VEZT: variants seen among roughly 807,000 people sequenced by gnomAD.
The protein encoded by VEZT is vezatin, adherens junctions transmembrane protein.
Under a neutral mutation model 79.9 loss-of-function variants are expected in VEZT, and 39 were observed. The ratio of observed to expected loss-of-function variants is 0.49; its 90% CI spans 0.38 to 0.64. The LOEUF is 0.64. VEZT is among the 30% of genes least tolerant of loss of function. The pLI is 0.00. For synonymous variants in VEZT, 325 were observed against 327.6 expected (o/e 0.99, Z 0.09); for missense variants, 837 against 893.1 (o/e 0.94, Z 0.80).
At position 95,262,907 on chromosome 12, in the gene VEZT, A is replaced by G; in HGVS notation, c.260A>G (p.Asp87Gly). 1 of 1,586,568 alleles carries G rather than the reference A, an allele frequency of 6.3e-7. No individual in the cohort carries two copies. Among genetic ancestry groups the G allele is most frequent in the South Asian group, 1.1e-5 (1 of 88,242 alleles). The change falls in exon 4 of 12, where the codon GAT becomes GGT. Residue 87 changes from aspartate to glycine, a missense_variant and splice_region_variant. Physicochemically the swap from Asp to Gly is moderately conservative, Grantham distance 94. Coordinates refer to ENST00000436874, the MANE Select transcript of VEZT (RefSeq NM_017599.4). ...NKKDDLLHKL[D>G]IGFRLDSLHT... ...CTCTTCTGGTATTTTAATGGCAAGGATATTGGATTCCGACTCGACTCATTA... is the reference window on the plus strand; with the variant it reads ...CTCTTCTGGTATTTTAATGGCAAGGGTATTGGATTCCGACTCGACTCATTA...
In VEZT at chr12:95,282,441, T is replaced by G. The variant is rs1288492861; in HGVS notation, c.1125T>G (p.Ser375=). The G allele has an allele frequency of 6.2e-7, 1 of 1,614,028 alleles. No individual in the cohort carries two copies. The highest frequency in any genetic ancestry group is 1.1e-5 in the South Asian group (1 of 91,088). Residue 375 remains serine, a synonymous_variant, in exon 8 of 12, where the codon TCT becomes TCG. Coordinates refer to ENST00000436874, the MANE Select transcript of VEZT (RefSeq NM_017599.4). ...TPALLPHRIL[S]DVTQGLPHAH... is the part of the protein sequence containing the mutation. ...CACTTCTGCCTCATCGTATCTTATC[T>G]GATGTGACTCAAGGTCTACCTCATG... is the stretch of plus-strand genomic sequence containing the variant.
chr12:95,224,831 T>C (rs1009921389), intron 1 of VEZT, among the ~76,000 whole-genome samples: 12 of 152,196 alleles, frequency 7.9e-5, no homozygotes, highest in African/African-American at 2.7e-4. Context: ...GGAAGACAGT[T>C]TTTCCAGATG....
At chr12:95,290,788 T>G (rs1052010377) in intron 9 of VEZT, 4 of 152,124 alleles carry the variant, frequency 2.6e-5, no homozygotes, top group African/African-American at 9.7e-5. Flanking sequence ...TCATGAATCA[T>G]TCCATATTTT....
chr12:95,266,715 A>G (rs781398667), intron 5 of VEZT, 83 bp downstream of exon 5: 28 of 1,369,376 alleles, frequency 2.0e-5, no homozygotes, highest in African/African-American at 1.8e-4. Flanking sequence ...TTTCATTTCT[A>G]TGTTGCATTT....
At chr12:95,281,697 C>T (rs137905807) in intron 7 of VEZT, among the ~76,000 whole-genome samples, 106 of 152,076 alleles carry the variant, frequency 7.0e-4, no homozygotes, top group African/African-American at 2.5e-3. Flanking sequence ...AAGCACATAC[C>T]ACCATGTCTG....
Position 95,266,249 on chromosome 12 carries a change from T to G in VEZT, c.435-108T>G, listed in dbSNP as rs1380679900. On this transcript the variant is annotated intron_variant, in intron 4 of 11. Transcript: ENST00000436874. ...TATGCTTTACAAAGAAGCTAGCATT[T>G]TATTTATTTAGTAAACCTAAATTTA... The G allele has an allele frequency of 9.0e-6, 11 of 1,224,612 alleles. No individual in the cohort carries two copies. In the Admixed American group the frequency reaches 2.4e-4, roughly 26 times the overall value. The allele number at this position is 1,224,612 out of a possible 1,614,324, so 75.9% of individuals were successfully genotyped here. A position where few individuals can be genotyped will look rare whatever the true frequency, so the allele number is the denominator to read the frequency against.
intron 7 of VEZT, among the ~76,000 whole-genome samples, chr12:95,280,449 C>CT (rs1265027440): frequency 1.4e-5 from 2 of 145,250 alleles, no homozygotes; most frequent in Non-Finnish European, 3.0e-5. Flanking sequence ...TTCTGTCTCT[C>CT]TCCCCCCCTT....
intron 5 of VEZT, among the ~76,000 whole-genome samples, chr12:95,267,204 C>T (rs1455880529): frequency 6.6e-6 from 1 of 152,132 alleles, no homozygotes; most frequent in South Asian, 2.1e-4. Flanking sequence ...ACTACTTAAT[C>T]TATTATTAAA....
Position 95,277,824 on chromosome 12 carries a change from G to T in VEZT, c.996+2935G>T, listed in dbSNP as rs1406416072. Among the ~76,000 whole-genome samples the T allele has an allele frequency of 2.6e-5, 4 of 152,182 alleles. No homozygotes were observed. The South Asian group carries it at 8.3e-4, about 32-fold the overall frequency. ...GACATATAATGGGTACCCCCAAATGGTAATAGCTGTTATTCTTTAAGAAGG... is the reference window on the plus strand; with the variant it reads ...GACATATAATGGGTACCCCCAAATGTTAATAGCTGTTATTCTTTAAGAAGG... On this transcript the variant is annotated intron_variant, in intron 7 of 11. Coordinates refer to ENST00000436874, the MANE Select transcript of VEZT (RefSeq NM_017599.4).
chr12:95,229,385 T>C (rs1402536940), intron 1 of VEZT, among the ~76,000 whole-genome samples: 1 of 152,202 alleles, frequency 6.6e-6, no homozygotes, highest in Non-Finnish European at 1.5e-5. Flanking sequence ...TTTAAAAGCA[T>C]TGTGGAAAGA....
chr12:95,224,228 G>A (rs763147071), intron 1 of VEZT: 10 of 455,936 alleles, frequency 2.2e-5, no homozygotes, highest in East Asian at 1.4e-4. Flanking sequence ...AGGAAAGAGC[G>A]CCAGAGAGGT....
intron 1 of VEZT, among the ~76,000 whole-genome samples, chr12:95,242,010 A>G (rs1035765463): frequency 6.6e-6 from 1 of 152,234 alleles, no homozygotes; most frequent in African/African-American, 2.4e-5. Flanking sequence ...AAGTCCAAAT[A>G]CTTGCTCATC....
At chr12:95,280,546 C>CAA (rs754062772) in intron 7 of VEZT, among the ~76,000 whole-genome samples, 46 of 151,232 alleles carry the variant, frequency 3.0e-4, no homozygotes, top group Non-Finnish European at 5.0e-4. Context: ...CACACACACA[C>CAA]ACACACACTA....
At chr12:95,260,637 T>G (rs1398787365) in intron 3 of VEZT, among the ~76,000 whole-genome samples, 4 of 152,222 alleles carry the variant, frequency 2.6e-5, no homozygotes, top group Admixed American at 2.6e-4. Context: ...TCGTTAGGCT[T>G]CTTCAAACTT....
chr12:95,282,214 A>G, intron 7 of VEZT, 99 bp from the exon 8 acceptor site: 1 of 960,002 alleles, frequency 1.0e-6, no homozygotes, highest in East Asian at 2.6e-5. Flanking sequence ...GATAAAGTGC[A>G]AAATTTAAAC....
chr12:95,219,628 G>A (rs575425892), intron 1 of VEZT, among the ~76,000 whole-genome samples: 1 of 152,122 alleles, frequency 6.6e-6, no homozygotes, highest in African/African-American at 2.4e-5. Flanking sequence ...AGTGATATAA[G>A]CCTATTTTTA....
In VEZT at chr12:95,282,386, A is replaced by C; in HGVS notation, c.1070A>C (p.Asn357Thr). The change falls in exon 8 of 12, where the codon AAT becomes ACT. Residue 357 changes from asparagine to threonine, a missense_variant. Transcript: ENST00000436874. ...RRLALLLSTA[N>T]SPPGPLLTPA... is the part of the protein sequence containing the mutation. ...TTAGCCCTATTACTTTCTACAGCCAATTCACCTCCTGGGCCCTTACTTACT... is the reference window on the plus strand; with the variant it reads ...TTAGCCCTATTACTTTCTACAGCCACTTCACCTCCTGGGCCCTTACTTACT... 6.2e-7 allele frequency: 1 copy of C among 1,611,530 alleles called. No individual in the cohort carries two copies. The highest frequency in any genetic ancestry group is 2.2e-5 in the East Asian group (1 of 44,878).
chr12:95,275,806 G>A (rs2067573236), intron 7 of VEZT: 1 of 151,870 alleles, frequency 6.6e-6, no homozygotes, highest in Non-Finnish European at 1.5e-5. Flanking sequence ...ACAACGAATT[G>A]ATCACAACCA....
chr12:95,252,680 ATGGGC>A (rs2062798018), intron 2 of VEZT, among the ~76,000 whole-genome samples: 1 of 152,196 alleles, frequency 6.6e-6, no homozygotes, highest in East Asian at 1.9e-4. Context: ...TAAGAAATTT[ATGGGC>A]CAGGCGCGGT....
Sources: allele counts gnomAD v4.1 joint callset (sites outside exome capture counted in the v4.1 genomes callset), GRCh38; gene constraint gnomAD v4.1.1; transcripts MANE v1.5; gene names NCBI Gene and HGNC (gene_info 2026-07-23, HGNC 2026-07-21).